SLC1A6: variants seen among roughly 807,000 people sequenced by gnomAD.
The protein encoded by SLC1A6 is excitatory amino acid transporter 4.
Under a neutral mutation model 42.1 loss-of-function variants are expected in SLC1A6, and 15 were observed. The ratio of observed to expected loss-of-function variants is 0.36; its 90% CI spans 0.24 to 0.55. The LOEUF (loss-of-function observed/expected upper bound fraction) is 0.55. Among genes scored for constraint, SLC1A6 ranks in the 20% least tolerant of loss-of-function variants. SLC1A6 has a pLI of 0.88. For synonymous variants in SLC1A6, 317 were observed against 319.7 expected (o/e 0.99, Z 0.09); for missense variants, 542 against 772.5 (o/e 0.70, Z 3.54).
intron 1 of SLC1A6, among the ~76,000 whole-genome samples, chr19:14,991,119 A>G (rs2145232084): frequency 6.6e-6 from 1 of 152,350 alleles, no homozygotes; most frequent in East Asian, 1.9e-4. Context: ...ACAAAAGGCC[A>G]CATAAGTGTA....
rs12461006 is a variant in SLC1A6 at position 14,950,404 on chromosome 19, G to A, written c.1500-14C>T. 135,608 of 1,519,120 alleles carry A rather than the reference G, an allele frequency of 0.089. 7,636 individuals are homozygous for A. Among genetic ancestry groups the A allele is most frequent in the African/African-American group, 0.27 (19,383 of 71,824 alleles). The allele number at this position is 1,519,120 out of a possible 1,614,324, so 94.1% of individuals were successfully genotyped here. ...CGAAGCCGGTCACTGGTACAGGGGA[G>A]AAAGAAGCTGCCATTAATGGGGGCT... On this transcript the variant is annotated splice_polypyrimidine_tract_variant and intron_variant, in intron 9 of 9. Transcript: ENST00000594383.
chr19:14,993,333 G>A (rs2886789), intron 1 of SLC1A6, among the ~76,000 whole-genome samples: 3 of 151,652 alleles, frequency 2.0e-5, no homozygotes, highest in Non-Finnish European at 2.9e-5. Context: ...GTTTCCTTCT[G>A]GGGGGGTGAA....
At chr19:14,995,056 G>A (rs1043967649) in intron 1 of SLC1A6, among the ~76,000 whole-genome samples, 1 of 152,110 alleles carries the variant, frequency 6.6e-6, no homozygotes, top group Non-Finnish European at 1.5e-5. Flanking sequence ...CGAGTGTGGT[G>A]GCTCACACCT....
intron 1 of SLC1A6, among the ~76,000 whole-genome samples, chr19:14,989,503 C>T (rs532153009): frequency 1.3e-5 from 2 of 151,992 alleles, no homozygotes; most frequent in East Asian, 2.0e-4. Context: ...TCAGGTGATC[C>T]GCCCACCTCG....
At chr19:14,993,515 C>T (rs1407069813) in intron 1 of SLC1A6, among the ~76,000 whole-genome samples, 2 of 152,158 alleles carry the variant, frequency 1.3e-5, no homozygotes, top group Non-Finnish European at 2.9e-5. Context: ...TTAACATGTG[C>T]TTTCTGCCCG....
At chr19:15,008,753 G>A (rs2045908634) in intron 1 of SLC1A6, among the ~76,000 whole-genome samples, 1 of 151,968 alleles carries the variant, frequency 6.6e-6, no homozygotes, top group Admixed American at 6.6e-5. Flanking sequence ...GGAGGTCAAG[G>A]AAGTCGAATT....
At chr19:14,957,306 C>T (rs1462917118) in intron 6 of SLC1A6, among the ~76,000 whole-genome samples, 1 of 152,200 alleles carries the variant, frequency 6.6e-6, no homozygotes, top group East Asian at 1.9e-4. Context: ...CTCTCGTCCT[C>T]AAAGCACTTA....
chr19:14,963,200 G>A (rs1331369131), intron 5 of SLC1A6, among the ~76,000 whole-genome samples: 1 of 152,172 alleles, frequency 6.6e-6, no homozygotes, highest in Non-Finnish European at 1.5e-5. Flanking sequence ...AATAAACCAG[G>A]CACAGAAAGA....
intron 1 of SLC1A6, among the ~76,000 whole-genome samples, chr19:14,995,193 C>T (rs1300953936): frequency 6.6e-6 from 1 of 151,830 alleles, no homozygotes; most frequent in Non-Finnish European, 1.5e-5. Flanking sequence ...GGCATGGTGG[C>T]ACATGCCTGT....
At chr19:14,999,008 G>C (rs1036708370) in intron 1 of SLC1A6, among the ~76,000 whole-genome samples, 4 of 151,930 alleles carry the variant, frequency 2.6e-5, no homozygotes, top group African/African-American at 4.8e-5. Context: ...CTCCCGAGTA[G>C]CTGGGACTAC....
chr19:14,959,566 G>T (rs906832713), intron 6 of SLC1A6, among the ~76,000 whole-genome samples: 2 of 152,202 alleles, frequency 1.3e-5, no homozygotes, highest in Non-Finnish European at 2.9e-5. Flanking sequence ...TTTTACATAT[G>T]ACACTATACA....
At position 14,972,701 on chromosome 19, in the gene SLC1A6, C is replaced by T. The variant is rs1295746492; in HGVS notation, c.205+5G>A. 6.2e-7 allele frequency: 1 copy of T among 1,613,158 alleles called. No homozygotes were observed. The highest frequency in any genetic ancestry group is 8.5e-7 in the Non-Finnish European group (1 of 1,179,424). Reference sequence around the variant, plus strand: ...AGTCCCCGCCCTCCAAGAGGCAGAGCTCACCAATGACCACGGCGCTGACCG... The same window carrying T: ...AGTCCCCGCCCTCCAAGAGGCAGAGTTCACCAATGACCACGGCGCTGACCG... On this transcript the variant is annotated splice_donor_5th_base_variant and intron_variant, in intron 2 of 9. Coordinates refer to ENST00000594383, the MANE Select transcript of SLC1A6 (RefSeq NM_005071.3).
chr19:15,002,084 T>C (rs1225472270), intron 1 of SLC1A6, among the ~76,000 whole-genome samples: 1 of 151,966 alleles, frequency 6.6e-6, no homozygotes, highest in Non-Finnish European at 1.5e-5. Context: ...TTTATTTTAT[T>C]TTATTATTGT....
At chr19:14,953,715 G>C (rs2045434384) in intron 8 of SLC1A6, among the ~76,000 whole-genome samples, 1 of 152,204 alleles carries the variant, frequency 6.6e-6, no homozygotes, top group Non-Finnish European at 1.5e-5. Context: ...CTGAAGACCT[G>C]AAGGAGATGA....
At chr19:14,999,646 C>G (rs1026005100) in intron 1 of SLC1A6, among the ~76,000 whole-genome samples, 1 of 152,186 alleles carries the variant, frequency 6.6e-6, no homozygotes, top group Non-Finnish European at 1.5e-5. Flanking sequence ...GGTGAGAACA[C>G]TGCAAATCTC....
At chr19:15,000,259 C>G (rs537760810) in intron 1 of SLC1A6, among the ~76,000 whole-genome samples, 56 of 152,242 alleles carry the variant, frequency 3.7e-4, no homozygotes, top group African/African-American at 8.9e-4. Flanking sequence ...TGAGGAAAAT[C>G]TCTATGCAAT....
chr19:14,981,571 T>G (rs1173095356), upstream of SLC1A6, among the ~76,000 whole-genome samples: 1 of 152,188 alleles, frequency 6.6e-6, no homozygotes, highest in African/African-American at 2.4e-5. Context: ...AACTCCTGCC[T>G]CTTACGGTCA....
At chr19:14,975,440 C>A (rs1215703251) in intron 1 of SLC1A6, among the ~76,000 whole-genome samples, 1 of 150,390 alleles carries the variant, frequency 6.6e-6, no homozygotes, top group Non-Finnish European at 1.5e-5. Flanking sequence ...TGTATCAACT[C>A]AAAATAAAAG....
At chr19:14,986,914 G>A (rs1180058482) in intron 1 of SLC1A6, among the ~76,000 whole-genome samples, 2 of 152,142 alleles carry the variant, frequency 1.3e-5, no homozygotes, top group African/African-American at 4.8e-5. Flanking sequence ...TGGCAATGAA[G>A]AATATAATGA....
Sources: allele counts gnomAD v4.1 joint callset (sites outside exome capture counted in the v4.1 genomes callset), GRCh38; gene constraint gnomAD v4.1.1; transcripts MANE v1.5; gene names NCBI Gene and HGNC (gene_info 2026-07-23, HGNC 2026-07-21).